Variants in BAZ2B observed in about 807,000 individuals in gnomAD.
BAZ2B encodes bromodomain adjacent to zinc finger domain 2B.
In BAZ2B, 91 loss-of-function variants were observed where a neutral mutation model predicts 246.0. The observed-to-expected ratio is 0.37, with a 90% CI of 0.31 to 0.44. BAZ2B has a LOEUF of 0.44. Among genes scored for constraint, BAZ2B ranks in the 20% least tolerant of loss-of-function variants. The pLI, the probability that BAZ2B is intolerant of heterozygous loss-of-function variation, is 1.00. For synonymous variants in BAZ2B, 855 were observed against 860.0 expected (o/e 0.99, Z 0.10); for missense variants, 2,332 against 2,533.7 (o/e 0.92, Z 1.71).
At chr2:159,696,384 C>A in the BAZ2B span, among the ~76,000 whole-genome samples, 1 of 151,988 alleles carries the variant, frequency 6.6e-6, no homozygotes, top group African/African-American at 2.4e-5. Flanking sequence ...CTAAATTTTT[C>A]CCTTCTATAT....
chr2:159,630,526 G>A, the BAZ2B span, among the ~76,000 whole-genome samples: 1 of 144,868 alleles, frequency 6.9e-6, no homozygotes, highest in Non-Finnish European at 1.5e-5. Flanking sequence ...ATCACTAACC[G>A]TATTCTTCTC....
At chr2:159,331,934 A>G (rs2064860004) in intron 34 of BAZ2B, among the ~76,000 whole-genome samples, 1 of 152,174 alleles carries the variant, frequency 6.6e-6, no homozygotes, top group Non-Finnish European at 1.5e-5. Flanking sequence ...AGTCCTGGTG[A>G]GATCCAAGGA....
At chr2:159,356,634 C>T (rs963805366) in intron 27 of BAZ2B, among the ~76,000 whole-genome samples, 5 of 152,296 alleles carry the variant, frequency 3.3e-5, no homozygotes, top group Non-Finnish European at 5.9e-5. Flanking sequence ...TGCTAAGGGA[C>T]AGACTGCCTC....
intron 6 of BAZ2B, 32 bp from the exon 7 acceptor site, chr2:159,439,244 T>G: frequency 6.4e-7 from 1 of 1,559,746 alleles, no homozygotes; most frequent in Non-Finnish European, 8.7e-7. Flanking sequence ...GGCAAGACTT[T>G]ATTTTTGGAA....
Position 159,374,697 on chromosome 2 carries a change from C to T in BAZ2B, c.4062G>A (p.Leu1354=), listed in dbSNP as rs769257052. ...VEELEKQIEK[L]SKQQSQYRRK... is the part of the protein sequence containing the mutation. Reference sequence around the variant, plus strand: ...TAATCAGAAAAGTGCTTACTTTACTCAGTTTTTCAATCTGTTTTTCCAGCT... The same window carrying T: ...TAATCAGAAAAGTGCTTACTTTACTTAGTTTTTCAATCTGTTTTTCCAGCT... Residue 1354 remains leucine (L), a synonymous_variant, in exon 26 of 37, where the codon CTG becomes CTA. Coordinates refer to ENST00000392783, the MANE Select transcript of BAZ2B (RefSeq NM_013450.4). 3 of 1,612,006 alleles carry T rather than the reference C, an allele frequency of 1.9e-6. No homozygotes were observed. The Admixed American group carries it at 5.0e-5, about 27-fold the overall frequency.
intron 1 of BAZ2B, among the ~76,000 whole-genome samples, chr2:159,585,671 C>T (rs750421845): frequency 3.3e-5 from 5 of 152,188 alleles, no homozygotes; most frequent in Non-Finnish European, 7.4e-5. Context: ...TCTACTTTCT[C>T]CTTAATTGTC....
chr2:159,533,876 A>T (rs980288618), intron 2 of BAZ2B, among the ~76,000 whole-genome samples: 1 of 152,224 alleles, frequency 6.6e-6, no homozygotes, highest in African/African-American at 2.4e-5. Flanking sequence ...GTGAAACAAA[A>T]ATGGACTTTT....
intron 13 of BAZ2B, among the ~76,000 whole-genome samples, chr2:159,414,748 C>T (rs138596518): frequency 8.7e-5 from 13 of 150,254 alleles, no homozygotes; most frequent in African/African-American, 2.7e-4. Flanking sequence ...ACTCGGGAGG[C>T]GGAGGTTGCA....
the BAZ2B span, among the ~76,000 whole-genome samples, chr2:159,658,769 T>A: frequency 3.9e-5 from 6 of 152,132 alleles, no homozygotes; most frequent in Non-Finnish European, 7.4e-5. Flanking sequence ...TGCACTCACT[T>A]TGGCCTCCCA....
intron 30 of BAZ2B, 121 bp from the exon 31 acceptor site, chr2:159,347,767 A>G: frequency 3.3e-5 from 26 of 779,306 alleles, no homozygotes; most frequent in Non-Finnish European, 5.2e-5. Flanking sequence ...ACATACACAA[A>G]TGCACTTGTG....
intron 3 of BAZ2B, among the ~76,000 whole-genome samples, chr2:159,474,235 G>A (rs369403530): frequency 6.6e-6 from 1 of 152,082 alleles, no homozygotes; most frequent in Non-Finnish European, 1.5e-5. Flanking sequence ...ATAAATGTGG[G>A]TGCGCCTGTA....
intron 27 of BAZ2B, among the ~76,000 whole-genome samples, chr2:159,355,916 G>C (rs943373671): frequency 1.3e-5 from 2 of 152,206 alleles, no homozygotes; most frequent in African/African-American, 2.4e-5. Context: ...GCCAAGGGAA[G>C]CCATGAGGGG....
At chr2:159,341,975 C>T (rs962211472) in intron 31 of BAZ2B, among the ~76,000 whole-genome samples, 2 of 151,976 alleles carry the variant, frequency 1.3e-5, no homozygotes, top group African/African-American at 2.4e-5. Flanking sequence ...AATGCAAGAA[C>T]AAATCAAACC....
chr2:159,676,955 TA>T, the BAZ2B span, among the ~76,000 whole-genome samples: 40 of 25,846 alleles, frequency 1.5e-3, no homozygotes, highest in East Asian at 0.035. Context: ...AGTTTTGTTA[TA>T]TATATATATA....
intron 2 of BAZ2B, among the ~76,000 whole-genome samples, chr2:159,501,554 A>G (rs773752624): frequency 2.6e-5 from 4 of 152,068 alleles, no homozygotes; most frequent in Non-Finnish European, 5.9e-5. Context: ...TAATAAAATT[A>G]TTCTAAAAAT....
intron 1 of BAZ2B, among the ~76,000 whole-genome samples, chr2:159,594,024 C>A (rs566723512): frequency 7.7e-4 from 118 of 152,308 alleles, no homozygotes; most frequent in African/African-American, 2.4e-3. Context: ...CCACCACTAT[C>A]CATTTCCAGG....
chr2:159,577,214 T>C (rs1685564696), intron 1 of BAZ2B, among the ~76,000 whole-genome samples: 1 of 152,076 alleles, frequency 6.6e-6, no homozygotes, highest in Admixed American at 6.5e-5. Flanking sequence ...GGTGACAGAG[T>C]GAGATCCTAT....
At chr2:159,561,151 A>C (rs2089824832) in intron 1 of BAZ2B, among the ~76,000 whole-genome samples, 1 of 152,152 alleles carries the variant, frequency 6.6e-6, no homozygotes, top group East Asian at 1.9e-4. Context: ...TATTGCAGGA[A>C]AGTGGGACAT....
chr2:159,495,410 G>A (rs1035283904), intron 2 of BAZ2B, among the ~76,000 whole-genome samples: 1 of 141,694 alleles, frequency 7.1e-6, no homozygotes, highest in Non-Finnish European at 1.5e-5. Context: ...GCGTGAACCC[G>A]GGAGGCGGAG....
Sources: allele counts gnomAD v4.1 joint callset (sites outside exome capture counted in the v4.1 genomes callset), GRCh38; gene constraint gnomAD v4.1.1; transcripts MANE v1.5; gene names NCBI Gene and HGNC (gene_info 2026-07-23, HGNC 2026-07-21).